Variants in CHN2 observed in about 807,000 individuals in gnomAD.
CHN2 encodes beta-chimaerin.
Under a neutral mutation model 56.3 loss-of-function variants are expected in CHN2, and 35 were observed. The ratio of observed to expected loss-of-function variants is 0.62; its 90% CI spans 0.47 to 0.82. CHN2 has a LOEUF of 0.82. Ranked by LOEUF, CHN2 falls within the 40% of genes least tolerant of loss-of-function variation. The pLI is 0.00. For missense variants in CHN2, 491 were observed against 580.5 expected (o/e 0.85, Z 1.58); for synonymous variants, 210 against 212.8 (o/e 0.99, Z 0.12).
chr7:29,499,983 C>T lies in CHN2; in HGVS notation c.856C>T (p.His286Tyr). 2 of 1,604,890 alleles carry T rather than the reference C, an allele frequency of 1.2e-6. No individual in the cohort carries two copies. Among genetic ancestry groups the T allele is most frequent in the East Asian group, 2.2e-5 (1 of 44,648 alleles). Residue 286 changes from histidine to tyrosine, a missense_variant, in exon 9 of 13, where the codon CAC (histidine) becomes TAC (tyrosine). By Grantham distance (83) the His-to-Tyr change is moderately conservative. Transcript: ENST00000222792. ...TGACCTCACAACACTTGTGAAGGCT[C>T]ACAACACTCAGAGACCCATGGTGGT... ...CCDLTTLVKAHNTQRPMVVDI... is the reference protein window; with the variant it reads ...CCDLTTLVKAYNTQRPMVVDI...
intron 4 of CHN2, 79 bp from the exon 5 acceptor site, chr7:29,398,294 C>T: frequency 4.5e-6 from 5 of 1,103,610 alleles, no homozygotes; most frequent in Non-Finnish European, 6.8e-6. Context: ...GTGCCCCCAC[C>T]ATCCTTTTAA....
At chr7:29,370,564 C>G (rs1252844893) in intron 3 of CHN2, among the ~76,000 whole-genome samples, 1 of 152,126 alleles carries the variant, frequency 6.6e-6, no homozygotes, top group Non-Finnish European at 1.5e-5. Flanking sequence ...CCCAGCTACT[C>G]TTCCCTGGTC....
At chr7:29,427,310 G>A (rs1804962625) in intron 6 of CHN2, among the ~76,000 whole-genome samples, 1 of 152,082 alleles carries the variant, frequency 6.6e-6, no homozygotes. Context: ...GAGTAAGACT[G>A]TCTCAAAATA....
intron 6 of CHN2, among the ~76,000 whole-genome samples, chr7:29,458,793 G>A (rs1784950940): frequency 6.6e-6 from 1 of 152,184 alleles, no homozygotes; most frequent in African/African-American, 2.4e-5. Flanking sequence ...CTATGTAAAA[G>A]CGTGCTTTAG....
intron 1 of CHN2, among the ~76,000 whole-genome samples, chr7:29,236,196 G>T (rs911017250): frequency 2.0e-5 from 3 of 152,228 alleles, no homozygotes; most frequent in African/African-American, 7.2e-5. Context: ...AGGAGAGCCT[G>T]AGGGGAAGAG....
chr7:29,288,256 G>T (rs1792314282), intron 1 of CHN2, among the ~76,000 whole-genome samples: 1 of 152,102 alleles, frequency 6.6e-6, no homozygotes, highest in South Asian at 2.1e-4. Context: ...AATTCTCGCT[G>T]GTTTCCCAGT....
At chr7:29,454,615 G>A (rs1350611666) in intron 6 of CHN2, among the ~76,000 whole-genome samples, 1 of 152,198 alleles carries the variant, frequency 6.6e-6, no homozygotes, top group Non-Finnish European at 1.5e-5. Context: ...GACATGCCCA[G>A]TGCAGAATGA....
chr7:29,511,303 G>C (rs146512702), intron 12 of CHN2, among the ~76,000 whole-genome samples: 2 of 144,854 alleles, frequency 1.4e-5, no homozygotes, highest in African/African-American at 2.6e-5. Flanking sequence ...GAATTTAGGA[G>C]TGCAAGTAAT....
chr7:29,476,774 A>G (rs946678012), intron 6 of CHN2, among the ~76,000 whole-genome samples: 2 of 152,122 alleles, frequency 1.3e-5, no homozygotes, highest in Admixed American at 6.5e-5. Flanking sequence ...TAGTGAATAC[A>G]GGCAAAGAAT....
At chr7:29,273,240 C>T (rs1248592251) in intron 1 of CHN2, among the ~76,000 whole-genome samples, 1 of 150,304 alleles carries the variant, frequency 6.7e-6, no homozygotes, top group East Asian at 1.9e-4. Flanking sequence ...TGGCTTACTT[C>T]ACTGTACATA....
At chr7:29,502,083 C>T (rs1434667959) in intron 9 of CHN2, among the ~76,000 whole-genome samples, 2 of 152,254 alleles carry the variant, frequency 1.3e-5, no homozygotes, top group East Asian at 1.9e-4. Context: ...GTTAATTTTG[C>T]CTTTTCTTGG....
chr7:29,405,086 G>C (rs888859637), intron 6 of CHN2, among the ~76,000 whole-genome samples: 10 of 150,626 alleles, frequency 6.6e-5, no homozygotes, highest in African/African-American at 2.4e-4. Flanking sequence ...AAAATAATGC[G>C]CTGTGTATTA....
At chr7:29,190,867 C>T (rs1782799642), upstream of CHN2, among the ~76,000 whole-genome samples, 1 of 151,840 alleles carries the variant, frequency 6.6e-6, no homozygotes. Context: ...ATCCACTGAG[C>T]ACCTATTGTA....
chr7:29,202,297 G>A (rs1784219835), intron 1 of CHN2, among the ~76,000 whole-genome samples: 1 of 152,156 alleles, frequency 6.6e-6, no homozygotes, highest in Non-Finnish European at 1.5e-5. Context: ...TCTACAAAAA[G>A]CCCACATCAG....
At chr7:29,430,555 TGA>T (rs1427738036) in intron 6 of CHN2, among the ~76,000 whole-genome samples, 1 of 152,182 alleles carries the variant, frequency 6.6e-6, no homozygotes, top group Admixed American at 6.5e-5. Context: ...TGGCCTTTTT[TGA>T]GTCTGCTCTA....
chr7:29,238,626 G>A (rs1787395876), intron 1 of CHN2, among the ~76,000 whole-genome samples: 1 of 152,092 alleles, frequency 6.6e-6, no homozygotes, highest in African/African-American at 2.4e-5. Context: ...ACAAAAATAG[G>A]TACAATTTAG....
At chr7:29,205,352 G>A (rs539286112) in intron 1 of CHN2, among the ~76,000 whole-genome samples, 2 of 152,292 alleles carry the variant, frequency 1.3e-5, no homozygotes, top group East Asian at 3.9e-4. Context: ...TGTGTTATAA[G>A]CTCTAGGAAG....
At chr7:29,340,040 A>G (rs1400266338) in intron 1 of CHN2, among the ~76,000 whole-genome samples, 1 of 152,114 alleles carries the variant, frequency 6.6e-6, no homozygotes, top group Non-Finnish European at 1.5e-5. Context: ...GGGACTTTAC[A>G]ATTTTTTTTC....
chr7:29,197,204 G>T (rs991536296), intron 1 of CHN2, among the ~76,000 whole-genome samples: 1 of 152,166 alleles, frequency 6.6e-6, no homozygotes, highest in African/African-American at 2.4e-5. Flanking sequence ...CTCCGTCAAT[G>T]TATTAATCAC....
Sources: allele counts gnomAD v4.1 joint callset (sites outside exome capture counted in the v4.1 genomes callset), GRCh38; gene constraint gnomAD v4.1.1; transcripts MANE v1.5; gene names NCBI Gene and HGNC (gene_info 2026-07-23, HGNC 2026-07-21).